The following RUVBL1 variants were observed in gnomAD, a reference collection of about 807,000 sequenced individuals.
The protein encoded by RUVBL1 is ruvB-like 1.
In RUVBL1, 4 loss-of-function variants were observed where a neutral mutation model predicts 52.4. That is an observed-to-expected ratio of 0.08 (90% CI 0.04 to 0.17). The LOEUF is 0.17. RUVBL1 is among the 10% of genes least tolerant of loss of function. The probability of loss-of-function intolerance (pLI) is 1.00; values close to 1 mark genes in which losing one functional copy is unlikely to be tolerated. For synonymous variants in RUVBL1, 217 were observed against 214.4 expected (o/e 1.01, Z -0.10); for missense variants, 298 against 572.8 (o/e 0.52, Z 4.90).
chr3:128,104,759 A>G lies in RUVBL1; in HGVS notation c.513+14T>C, dbSNP rs2107695383. On this transcript the variant is annotated intron_variant, in intron 4 of 10. Coordinates refer to ENST00000322623, the MANE Select transcript of RUVBL1 (RefSeq NM_003707.3). ...GGAGAGTCAAGGGAAAAGAGGCCACATACATGTACTCACTTTCAACTGTTT... is the reference window on the plus strand; with the variant it reads ...GGAGAGTCAAGGGAAAAGAGGCCACGTACATGTACTCACTTTCAACTGTTT... 8 of 1,592,246 alleles carry G rather than the reference A, an allele frequency of 5.0e-6. No homozygotes were observed. The highest frequency in any genetic ancestry group is 1.3e-5 in the African/African-American group (1 of 74,764).
intron 1 of RUVBL1, among the ~76,000 whole-genome samples, chr3:128,150,655 C>T (rs1437778139): frequency 6.2e-5 from 8 of 129,664 alleles, no homozygotes; most frequent in Admixed American, 2.6e-4. Context: ...ATATTCTATA[C>T]ATATTCTATA....
At chr3:128,066,681 C>A in intron 9 of RUVBL1, 1 of 458,668 alleles carries the variant, frequency 2.2e-6, no homozygotes. Context: ...ACCTCGGCCT[C>A]CCAAAGTGCT....
At position 128,067,437 on chromosome 3, in the gene RUVBL1, G is replaced by T. The variant is rs1942014699; in HGVS notation, c.940-2217C>A. The T allele has an allele frequency of 3.7e-6, 6 of 1,612,776 alleles. No individual in the cohort carries two copies. The highest frequency in any genetic ancestry group is 5.1e-6 in the Non-Finnish European group (6 of 1,179,704). ...CTTCCCCAGGACACGTCTTCTGGGG[G>T]CCCAGCACGTGCTTATCCAGTTGGT... On this transcript the variant is annotated intron_variant, in intron 9 of 9. Coordinates refer to the RUVBL1 transcript ENST00000464873. This position sits in a 1 kb window ranked among gnomAD's most constrained non-coding sequence, Gnocchi z 4.1.
chr3:128,152,806 A>G (rs1432807024), intron 1 of RUVBL1, among the ~76,000 whole-genome samples: 1 of 151,098 alleles, frequency 6.6e-6, no homozygotes, highest in Non-Finnish European at 1.5e-5. Context: ...AAGAGCAAAA[A>G]GCTTCTGCAA....
At position 128,108,045 on chromosome 3, in the gene RUVBL1, G is replaced by A. The variant is rs532715517; in HGVS notation, c.362-3121C>T. Among the ~76,000 whole-genome samples, 7 of 152,340 alleles carry A rather than the reference G, an allele frequency of 4.6e-5. No homozygotes were observed. In the East Asian group the frequency reaches 1.2e-3, roughly 25 times the overall value. ...ATGAAACCGGCTGTTAGCCAGGAAA[G>A]GGGCTGAGCTGGCGCTATCTCTGGC... On this transcript the variant is annotated intron_variant, in intron 3 of 10. Transcript: ENST00000322623.
chr3:128,076,773 G>T (rs572678205), downstream of RUVBL1, among the ~76,000 whole-genome samples: 2 of 152,158 alleles, frequency 1.3e-5, no homozygotes, highest in East Asian at 3.9e-4. This position sits in a 1 kb window ranked among gnomAD's most constrained non-coding sequence, Gnocchi z 6.8. Context: ...CCCGCATCCC[G>T]CCGTGTCCCC....
rs1003524306 is a variant in RUVBL1, at chr3:128,067,725, C to T, written c.940-2505G>A. The T allele has an allele frequency of 1.4e-4, 131 of 905,792 alleles. No individual in the cohort carries two copies. The highest frequency in any genetic ancestry group is 2.0e-4 in the Non-Finnish European group (120 of 597,122). The allele number at this position is 905,792 out of a possible 1,614,324, so 56.1% of individuals were successfully genotyped here. A position where few individuals can be genotyped will look rare whatever the true frequency, so the allele number is the denominator to read the frequency against. On this transcript the variant is annotated intron_variant, in intron 9 of 9. Coordinates refer to the RUVBL1 transcript ENST00000464873. This position sits in a 1 kb window ranked among gnomAD's most constrained non-coding sequence, Gnocchi z 4.1. ...TCTGTGACGTGTGCAGATAGATCGT[C>T]GTCCTTTAGGGGGCAGTTCAGAAGC... is the stretch of plus-strand genomic sequence containing the variant.
At chr3:128,096,719 C>G (rs566492705) in intron 8 of RUVBL1, among the ~76,000 whole-genome samples, 1 of 151,722 alleles carries the variant, frequency 6.6e-6, no homozygotes, top group African/African-American at 2.4e-5. Flanking sequence ...CCCAGCTACT[C>G]GGGAGGCTGA....
chr3:128,137,631 A>G (rs992035747), intron 1 of RUVBL1, among the ~76,000 whole-genome samples: 2 of 152,186 alleles, frequency 1.3e-5, no homozygotes, highest in African/African-American at 4.8e-5. Context: ...ACTAATATCA[A>G]TCCTCCTCAA....
intron 5 of RUVBL1, among the ~76,000 whole-genome samples, 177 bp downstream of exon 5, chr3:128,101,382 G>C (rs1005427628): frequency 1.3e-5 from 2 of 152,100 alleles, no homozygotes; most frequent in African/African-American, 4.8e-5. Flanking sequence ...AAGATAAAGG[G>C]AAGGCAAACT....
chr3:128,099,898 C>A (rs1304608359), intron 6 of RUVBL1, among the ~76,000 whole-genome samples: 1 of 152,172 alleles, frequency 6.6e-6, no homozygotes, highest in Non-Finnish European at 1.5e-5. Flanking sequence ...GCCCAGCACT[C>A]TTCTCAGGTC....
chr3:128,093,291 T>C (rs1305258161), intron 8 of RUVBL1, among the ~76,000 whole-genome samples: 2 of 152,134 alleles, frequency 1.3e-5, no homozygotes. Context: ...AGCAAATCTA[T>C]AGAGACAAAA....
upstream of RUVBL1, among the ~76,000 whole-genome samples, chr3:128,125,005 CTTTTTTTTT>C (rs749620135): frequency 8.1e-5 from 5 of 61,352 alleles, no homozygotes; most frequent in African/African-American, 2.8e-4. Context: ...CTCACACCGC[CTTTTTTTTT>C]TTTTTTTTTT....
chr3:128,152,478 T>A (rs1394621758), intron 1 of RUVBL1, among the ~76,000 whole-genome samples: 1 of 152,210 alleles, frequency 6.6e-6, no homozygotes, highest in Admixed American at 6.5e-5. Context: ...CTCCTGCTCC[T>A]TTTTATCTCA....
chr3:128,146,666 CAT>C (rs367578187), intron 1 of RUVBL1, among the ~76,000 whole-genome samples: 181 of 146,158 alleles, frequency 1.2e-3, no homozygotes, highest in African/African-American at 3.1e-3. Context: ...TGCGTGTGCA[CAT>C]GTTTGCGTGT....
intron 1 of RUVBL1, among the ~76,000 whole-genome samples, chr3:128,143,899 A>G (rs147157400): frequency 6.6e-6 from 1 of 152,348 alleles, no homozygotes; most frequent in East Asian, 1.9e-4. Context: ...AAGAGGGAGT[A>G]GGTGCTGACC....
intron 2 of RUVBL1, among the ~76,000 whole-genome samples, chr3:128,118,545 C>T (rs755376610): frequency 6.6e-5 from 10 of 152,130 alleles, no homozygotes; most frequent in African/African-American, 1.2e-4. Context: ...CCACATCAAG[C>T]GGCCCTTTTG....
chr3:128,084,126 A>G lies in RUVBL1; in HGVS notation c.1120-1552T>C, dbSNP rs143330348. 484 of 152,530 alleles carry G rather than the reference A, an allele frequency of 3.2e-3. 2 individuals are homozygous for G. Among genetic ancestry groups the G allele is most frequent in the Middle Eastern group, 3.4e-3 (1 of 296 alleles). The allele number at this position is 152,530 out of a possible 1,614,324, so 9.4% of individuals were successfully genotyped here. A position where few individuals can be genotyped will look rare whatever the true frequency, so the allele number is the denominator to read the frequency against. On this transcript the variant is annotated intron_variant, in intron 9 of 10. Coordinates refer to ENST00000322623, the MANE Select transcript of RUVBL1 (RefSeq NM_003707.3). ...ATGTCCTGATGTCTAGATGTCAGCA[A>G]CTTGTTCAAACATTTCACAAACACT...
intron 3 of RUVBL1, among the ~76,000 whole-genome samples, chr3:128,109,129 G>A (rs1943316680): frequency 6.6e-6 from 1 of 152,254 alleles, no homozygotes; most frequent in Admixed American, 6.5e-5. Context: ...TGTGACCAGG[G>A]AGGGACACAT....
Sources: allele counts gnomAD v4.1 joint callset (sites outside exome capture counted in the v4.1 genomes callset), GRCh38; gene constraint gnomAD v4.1.1; non-coding constraint Gnocchi (gnomAD v3.1); transcripts MANE v1.5; gene names NCBI Gene and HGNC (gene_info 2026-07-23, HGNC 2026-07-21).